Variants in NLGN4X observed in about 807,000 individuals in gnomAD.
The protein encoded by NLGN4X is neuroligin-4, X-linked.
In NLGN4X, 3 loss-of-function variants were observed where a neutral mutation model predicts 40.3. The observed-to-expected ratio is 0.07, with a 90% CI of 0.03 to 0.19. The LOEUF (loss-of-function observed/expected upper bound fraction) is 0.19, where lower values mean the gene tolerates loss of function less well. Ranked by LOEUF, NLGN4X falls within the 10% of genes least tolerant of loss-of-function variation. NLGN4X has a pLI of 1.00. For missense variants in NLGN4X, 382 were observed against 708.3 expected, an observed-to-expected ratio of 0.54 and a Z score of 5.23; for synonymous variants, 270 against 306.8, an observed-to-expected ratio of 0.88 and a Z score of 1.25.
At chrX:6,040,316 C>T (rs1226352868) in intron 2 of NLGN4X, among the ~76,000 whole-genome samples, 2 of 111,216 alleles carry the variant, frequency 1.8e-5, no homozygotes, top group South Asian at 7.6e-4. Flanking sequence ...ATTAGGTATA[C>T]AGATATTAAA....
At chrX:5,995,502 A>G (rs768936791) in intron 3 of NLGN4X, among the ~76,000 whole-genome samples, 22 of 112,729 alleles carry the variant, frequency 2.0e-4, no homozygotes, top group Non-Finnish European at 3.6e-4. Context: ...GGGGCCAGGC[A>G]AGATGTTGAC....
chrX:6,050,776 C>CAACTATCT (rs2037470977), intron 2 of NLGN4X, among the ~76,000 whole-genome samples: 3 of 103,355 alleles, frequency 2.9e-5, no homozygotes, highest in African/African-American at 1.1e-4. Flanking sequence ...TCTGTCTGTC[C>CAACTATCT]ATCTATCTAT....
chrX:6,203,356 G>A (rs1923783849), intron 1 of NLGN4X, among the ~76,000 whole-genome samples: 1 of 112,172 alleles, frequency 8.9e-6, no homozygotes, highest in East Asian at 2.8e-4. Flanking sequence ...AGAGCTTCTG[G>A]TGATAGTCTA....
At chrX:6,195,931 C>T (rs1344877859) in intron 1 of NLGN4X, among the ~76,000 whole-genome samples, 1 of 110,955 alleles carries the variant, frequency 9.0e-6, no homozygotes, top group Non-Finnish European at 1.9e-5. Context: ...CCTGGGACTA[C>T]AGGTGGATGC....
chrX:6,219,987 A>G (rs1273959892), intron 1 of NLGN4X, among the ~76,000 whole-genome samples: 1 of 111,342 alleles, frequency 9.0e-6, no homozygotes, highest in African/African-American at 3.2e-5. Context: ...TGATTCGACA[A>G]AAACATACAG....
intron 1 of NLGN4X, among the ~76,000 whole-genome samples, chrX:6,212,548 A>G (rs1010075671): frequency 3.6e-5 from 4 of 111,609 alleles, no homozygotes; most frequent in African/African-American, 6.5e-5. Flanking sequence ...ATACCTCTTT[A>G]TCAAAAGACA....
intron 3 of NLGN4X, among the ~76,000 whole-genome samples, chrX:5,939,274 T>C (rs970989489): frequency 3.6e-5 from 4 of 110,708 alleles, no homozygotes; most frequent in Non-Finnish European, 5.7e-5. Context: ...AATGCAAACA[T>C]ATTTAATATA....
intron 2 of NLGN4X, among the ~76,000 whole-genome samples, chrX:6,129,488 G>T (rs1473324640): frequency 1.8e-5 from 2 of 111,964 alleles, no homozygotes; most frequent in Non-Finnish European, 3.8e-5. Flanking sequence ...ATTGATGCTT[G>T]ATTTTGCCTT....
chrX:5,893,812 A>G, intron 5 of NLGN4X, 146 bp from the exon 6 acceptor site: 2 of 681,400 alleles, frequency 2.9e-6, no homozygotes, highest in Non-Finnish European at 4.4e-6. Context: ...GCAAAGGTAC[A>G]TTCTGCTTTA....
chrX:5,937,442 G>A lies in NLGN4X; in HGVS notation c.626-28203C>T, dbSNP rs773422416. On this transcript the variant is annotated intron_variant, in intron 3 of 5. Coordinates refer to ENST00000381095, the MANE Select transcript of NLGN4X (RefSeq NM_181332.3). ...ATCTATAAAGGACAATAGGTAAGAC[G>A]GGCTCCAAAAATAACCATATTAACC... is the stretch of plus-strand genomic sequence containing the variant. Among the ~76,000 whole-genome samples the A allele has an allele frequency of 2.3e-3, 257 of 111,259 alleles. 1 individual carries two copies. The highest frequency in any genetic ancestry group is 4.4e-3 in the Non-Finnish European group (231 of 53,058).
chrX:6,087,044 A>C (rs936783481), intron 2 of NLGN4X, among the ~76,000 whole-genome samples: 1 of 111,767 alleles, frequency 8.9e-6, no homozygotes, highest in Non-Finnish European at 1.9e-5. Flanking sequence ...TCTTTTTCTC[A>C]TGGCTTTTTA....
intron 3 of NLGN4X, among the ~76,000 whole-genome samples, chrX:6,015,614 C>T (rs12854364): frequency 0.13 from 14,931 of 111,189 alleles, 885 homozygotes; most frequent in Non-Finnish European, 0.18. Flanking sequence ...CCTTACTCAG[C>T]ATTTACATTC....
chrX:6,131,119 G>A (rs2039672762), intron 2 of NLGN4X, among the ~76,000 whole-genome samples: 2 of 109,917 alleles, frequency 1.8e-5, no homozygotes, highest in Admixed American at 1.9e-4. Context: ...CAATTTCAAA[G>A]AATACCACCG....
At position 6,109,592 on chromosome X, in the gene NLGN4X, A is replaced by C. The variant is rs1009532434; in HGVS notation, c.472+41403T>G. The stretch of plus-strand genomic sequence containing the variant: ...TTGTTCTTTTAAGAAAACTTTCGCA[A>C]TCTCTCACTTTCTGATCCAGCAATC... On this transcript the variant is annotated intron_variant, in intron 2 of 5. Transcript: ENST00000381095. 1.5e-4 allele frequency among the ~76,000 whole-genome samples: 17 copies of C among 111,645 alleles called. 1 individual carries two copies. Among genetic ancestry groups the C allele is most frequent in the African/African-American group, 4.9e-4 (15 of 30,692 alleles).
intron 1 of NLGN4X, among the ~76,000 whole-genome samples, chrX:6,160,401 T>C (rs2040358948): frequency 8.9e-6 from 1 of 111,973 alleles, no homozygotes. Context: ...GAGTATTTAC[T>C]GACTTTTTCC....
At chrX:5,978,333 T>G (rs866181027) in intron 3 of NLGN4X, among the ~76,000 whole-genome samples, 1 of 11,931 alleles carries the variant, frequency 8.4e-5, no homozygotes, top group African/African-American at 3.1e-4. Flanking sequence ...TCTTTCTTTC[T>G]TTCTTTCTTT....
intron 3 of NLGN4X, among the ~76,000 whole-genome samples, chrX:5,927,109 A>C (rs1001690628): frequency 1.8e-4 from 20 of 111,809 alleles, no homozygotes; most frequent in African/African-American, 5.5e-4. Flanking sequence ...TTTCTTCTGT[A>C]TGATCTTTGA....
chrX:6,183,996 G>T (rs1271574232), intron 1 of NLGN4X, among the ~76,000 whole-genome samples: 2 of 112,097 alleles, frequency 1.8e-5, no homozygotes, highest in Non-Finnish European at 3.8e-5. Context: ...TTAATTAACT[G>T]ATTTTTAAGC....
At chrX:5,990,864 C>T (rs899183100) in intron 3 of NLGN4X, among the ~76,000 whole-genome samples, 8 of 111,834 alleles carry the variant, frequency 7.2e-5, no homozygotes, top group Admixed American at 6.6e-4. Flanking sequence ...CCAGGTAATA[C>T]GGCCCCACAG....
Sources: allele counts gnomAD v4.1 joint callset (sites outside exome capture counted in the v4.1 genomes callset), GRCh38; gene constraint gnomAD v4.1.1; transcripts MANE v1.5; gene names NCBI Gene and HGNC (gene_info 2026-07-23, HGNC 2026-07-21).